The following PARD3B variants were observed in gnomAD, a reference collection of about 807,000 sequenced individuals.
PARD3B encodes par-3 family cell polarity regulator beta, also known as partitioning defective 3 homolog B.
PARD3B carries 103 observed loss-of-function variants against 130.2 expected under a neutral mutation model. The observed-to-expected ratio is 0.79, with a 90% confidence interval of 0.67 to 0.93. The LOEUF (loss-of-function observed/expected upper bound fraction) is 0.93, where lower values mean the gene tolerates loss of function less well. PARD3B is among the 40% of genes least tolerant of loss of function. The pLI, the probability that PARD3B is intolerant of heterozygous loss-of-function variation, is 0.00. For synonymous variants in PARD3B, 583 were observed against 553.2 expected (o/e 1.05, Z -0.76); for missense variants, 1,609 against 1,499.2 (o/e 1.07, Z -1.21).
chr2:205,552,357 C>T (rs2052684676), intron 21 of PARD3B, among the ~76,000 whole-genome samples: 2 of 151,960 alleles, frequency 1.3e-5, no homozygotes, highest in Admixed American at 1.3e-4. Context: ...TTGTCAGCAA[C>T]CCTTGTTAGT....
chr2:204,641,784 A>G (rs1408007012), intron 1 of PARD3B, among the ~76,000 whole-genome samples: 1 of 152,204 alleles, frequency 6.6e-6, no homozygotes, highest in Non-Finnish European at 1.5e-5. Context: ...GCTTAGTACC[A>G]GTTGTCACAA....
At chr2:205,236,553 C>G (rs2039071139) in intron 15 of PARD3B, among the ~76,000 whole-genome samples, 1 of 152,036 alleles carries the variant, frequency 6.6e-6, no homozygotes, top group Admixed American at 6.6e-5. Context: ...GACTTCTATC[C>G]TCCAGAAATG....
At chr2:205,399,911 C>A (rs554986014) in intron 18 of PARD3B, among the ~76,000 whole-genome samples, 3 of 152,108 alleles carry the variant, frequency 2.0e-5, no homozygotes, top group Non-Finnish European at 4.4e-5. Context: ...TAAAGGAAAG[C>A]GTACAGGCAG....
At chr2:205,418,486 A>G (rs1313034804) in intron 19 of PARD3B, among the ~76,000 whole-genome samples, 1 of 152,124 alleles carries the variant, frequency 6.6e-6, no homozygotes, top group Non-Finnish European at 1.5e-5. Context: ...ATAAATGCTG[A>G]AAGGGGGTTT....
intron 15 of PARD3B, among the ~76,000 whole-genome samples, chr2:205,220,372 C>A (rs1216828477): frequency 6.6e-6 from 1 of 152,162 alleles, no homozygotes; most frequent in African/African-American, 2.4e-5. Context: ...TTTTAGGCTG[C>A]TTTTAGGTTC....
chr2:204,803,149 A>C (rs1291194076), intron 2 of PARD3B, among the ~76,000 whole-genome samples: 1 of 73,978 alleles, frequency 1.4e-5, no homozygotes, highest in East Asian at 3.6e-4. Flanking sequence ...TGAAGGAAAA[A>C]AAAAAAAAAA....
rs182524721 is a variant in PARD3B, at chr2:205,568,685, T to C, written c.3260+15282T>C. Among the ~76,000 whole-genome samples the C allele has an allele frequency of 3.7e-4, 57 of 152,316 alleles. No homozygotes were observed. The highest frequency in any genetic ancestry group is 3.4e-3 in the Middle Eastern group (1 of 294). On this transcript the variant is annotated intron_variant, in intron 22 of 22. Transcript: ENST00000406610. This position sits in a 1 kb window ranked among gnomAD's most constrained non-coding sequence, Gnocchi z 5.3. ...TACATGGATTTCAACATGTCATCTT[T>C]GCTTCAATTATGAACAATAAAAACT...
Position 204,643,115 on chromosome 2 carries a change from C to CAA in PARD3B, c.121-43046_121-43045dup, listed in dbSNP as rs71029202. Among the ~76,000 whole-genome samples the CAA allele has an allele frequency of 6.0e-3, 192 of 31,806 alleles. 9 individuals are homozygous for CAA. In the Middle Eastern group the frequency reaches 0.12, roughly 21 times the overall value. 20.9% of individuals were successfully genotyped at this position (31,806 alleles called of 152,430 possible). On this transcript the variant is annotated intron_variant, in intron 1 of 22. Coordinates refer to ENST00000406610, the MANE Select transcript of PARD3B (RefSeq NM_001302769.2). ...GGCGACAGAGGGAGACTCTGTCTCA[C>CAA]AAAAAAAAAAAAAAAAAAAAATGTT...
intron 18 of PARD3B, among the ~76,000 whole-genome samples, chr2:205,317,071 G>T (rs570805322): frequency 6.6e-6 from 1 of 152,042 alleles, no homozygotes; most frequent in Non-Finnish European, 1.5e-5. Flanking sequence ...CATATAAGTT[G>T]TAATATTAAA....
intron 1 of PARD3B, among the ~76,000 whole-genome samples, chr2:204,565,112 G>C (rs1367662853): frequency 6.6e-6 from 1 of 152,170 alleles, no homozygotes; most frequent in Non-Finnish European, 1.5e-5. Flanking sequence ...GAGGGGCCTA[G>C]CTTTTTTCTG....
At chr2:204,933,767 C>T (rs1688206322) in intron 2 of PARD3B, among the ~76,000 whole-genome samples, 1 of 152,154 alleles carries the variant, frequency 6.6e-6, no homozygotes. Flanking sequence ...CAGCATCTCA[C>T]TTCAAGTTAC....
chr2:205,437,569 T>C (rs1391757178), intron 19 of PARD3B, among the ~76,000 whole-genome samples: 1 of 152,124 alleles, frequency 6.6e-6, no homozygotes, highest in African/African-American at 2.4e-5. Flanking sequence ...GAGAAATTGA[T>C]TTGATATGAA....
At chr2:205,169,919 G>GT (rs1457591874) in intron 11 of PARD3B, among the ~76,000 whole-genome samples, 2 of 144,090 alleles carry the variant, frequency 1.4e-5, no homozygotes, top group African/African-American at 5.1e-5. Context: ...TGTTTTTGTT[G>GT]TTCCCCCCAC....
chr2:204,588,655 G>T (rs2032939946), intron 1 of PARD3B, among the ~76,000 whole-genome samples: 1 of 152,006 alleles, frequency 6.6e-6, no homozygotes, highest in Non-Finnish European at 1.5e-5. Context: ...TTCTTTTAAT[G>T]TTTGGAATAC....
intron 12 of PARD3B, among the ~76,000 whole-genome samples, chr2:205,174,164 A>G (rs2035335003): frequency 6.6e-6 from 1 of 152,128 alleles, no homozygotes; most frequent in South Asian, 2.1e-4. Context: ...TACTGCAGGT[A>G]TTTTCATTTT....
intron 22 of PARD3B, among the ~76,000 whole-genome samples, chr2:205,557,175 C>T (rs985381770): frequency 6.6e-6 from 1 of 152,114 alleles, no homozygotes; most frequent in South Asian, 2.1e-4. Flanking sequence ...CATGCGTGGG[C>T]GGCAAAAGGT....
chr2:205,493,613 A>C (rs1290726927), intron 20 of PARD3B, among the ~76,000 whole-genome samples: 5 of 152,136 alleles, frequency 3.3e-5, no homozygotes, highest in Admixed American at 1.3e-4. Flanking sequence ...ACACGCATAC[A>C]TCCAATTTAA....
At chr2:205,555,585 TTATGAATG>T (rs2052845836) in intron 22 of PARD3B, among the ~76,000 whole-genome samples, 1 of 152,186 alleles carries the variant, frequency 6.6e-6, no homozygotes, top group Non-Finnish European at 1.5e-5. Flanking sequence ...TTATGGCTCT[TTATGAATG>T]TATGAATTGA....
intron 2 of PARD3B, among the ~76,000 whole-genome samples, chr2:204,854,946 A>C (rs1012525835): frequency 3.3e-5 from 5 of 152,110 alleles, no homozygotes; most frequent in South Asian, 2.1e-4. Flanking sequence ...GTCTCCAAGC[A>C]AAAAGGACCA....
Sources: allele counts gnomAD v4.1 joint callset (sites outside exome capture counted in the v4.1 genomes callset), GRCh38; gene constraint gnomAD v4.1.1; non-coding constraint Gnocchi (gnomAD v3.1); transcripts MANE v1.5; gene names NCBI Gene and HGNC (gene_info 2026-07-23, HGNC 2026-07-21).